RAPGEFL1: variants seen among roughly 807,000 people sequenced by gnomAD.
RAPGEFL1 encodes Rap guanine nucleotide exchange factor like 1.
A neutral mutation model predicts 64.4 loss-of-function variants in RAPGEFL1; 31 were observed. The observed-to-expected ratio is 0.48, with a 90% CI of 0.36 to 0.65. The LOEUF is 0.65. RAPGEFL1 is among the 30% of genes least tolerant of loss of function. RAPGEFL1 has a pLI of 0.00. For missense variants in RAPGEFL1, 682 were observed against 677.4 expected, an observed-to-expected ratio of 1.01 and a Z score of -0.08; for synonymous variants, 331 against 274.1, an observed-to-expected ratio of 1.21 and a Z score of -2.05.
rs56085604 is a variant in RAPGEFL1, at chr17:40,192,791, G to C, written c.1744+98G>C. On this transcript the variant is annotated intron_variant, in intron 12 of 14. Transcript: ENST00000620260. ...CAGCTCCCTCTCGACTCAGCCCTGA[G>C]TACCCACCTGGAGAGGAGCCCCCCA... 489 of 1,390,036 alleles carry C rather than the reference G, an allele frequency of 3.5e-4. 1 individual carries two copies. The highest frequency in any genetic ancestry group is 4.6e-4 in the Non-Finnish European group (455 of 984,310). The allele number at this position is 1,390,036 out of a possible 1,614,324, so 86.1% of individuals were successfully genotyped here.
rs1167250248 is a variant in RAPGEFL1, at chr17:40,192,992, T to A, written c.1809+2T>A. ...GGTTTGGTGAACATCGAGAAGCTGG[T>A]GAGTGAGTGGCACTGCAAACCCCTA... On this transcript the variant is annotated splice_donor_variant, in intron 13 of 14. Transcript: ENST00000620260. LOFTEE classifies it high-confidence loss of function. The A allele has an allele frequency of 6.2e-7, 1 of 1,613,400 alleles. No homozygotes were observed. The highest frequency in any genetic ancestry group is 1.7e-5 in the Admixed American group (1 of 60,014).
intron 4 of RAPGEFL1, chr17:40,188,620 G>A (rs1480400001): frequency 9.4e-6 from 5 of 532,202 alleles, no homozygotes; most frequent in Non-Finnish European, 1.7e-5. Context: ...AGAGAAGAAA[G>A]TGACCTTCCT....
Position 40,193,930 on chromosome 17 carries a change from T to A in RAPGEFL1, c.*142T>A. ...GGAAAGAGGTCGATGGATTTACCCCTGGACCCATAAGTCTGTTCATCCTGC... is the reference window on the plus strand; with the variant it reads ...GGAAAGAGGTCGATGGATTTACCCCAGGACCCATAAGTCTGTTCATCCTGC... On this transcript the variant is annotated 3_prime_UTR_variant, in exon 15 of 15. Coordinates refer to ENST00000620260, the MANE Select transcript of RAPGEFL1 (RefSeq NM_016339.6). 1 of 1,159,470 alleles carries A rather than the reference T, an allele frequency of 8.6e-7. No homozygotes were observed. The highest frequency in any genetic ancestry group is 1.2e-6 in the Non-Finnish European group (1 of 835,264). 71.8% of individuals were successfully genotyped at this position (1,159,470 alleles called of 1,614,324 possible).
chr17:40,178,120 G>A lies in RAPGEFL1; in HGVS notation c.259G>A (p.Glu87Lys), dbSNP rs1257859277. 1 of 567,168 alleles carries A rather than the reference G, an allele frequency of 1.8e-6. No homozygotes were observed. Among genetic ancestry groups the A allele is most frequent in the Non-Finnish European group, 3.1e-6 (1 of 322,464 alleles). 35.1% of individuals were successfully genotyped at this position (567,168 alleles called of 1,614,324 possible). ...GCCGCCCCCTGAGGAGGAAGGAGGAGAGCCGGCGGGGGTCGCGGAGGAGCC... is the reference window on the plus strand; with the variant it reads ...GCCGCCCCCTGAGGAGGAAGGAGGAAAGCCGGCGGGGGTCGCGGAGGAGCC... ...LEPPPEEEGG[E>K]PAGVAEEPGS... The change falls in exon 1 of 15, where the codon GAG becomes AAG. Residue 87 changes from glutamate to lysine, a missense_variant. Physicochemically the swap from Glu to Lys is moderately conservative, Grantham distance 56. Around this residue, in one of 2 missense-constraint regions of RAPGEFL1, gnomAD observed 271 missense variants for 158.0 expected, o/e 1.72. Coordinates refer to ENST00000620260, the MANE Select transcript of RAPGEFL1 (RefSeq NM_016339.6).
chr17:40,190,710 T>C lies in RAPGEFL1; in HGVS notation c.1283T>C (p.Val428Ala), dbSNP rs1990231470. 3 of 1,614,062 alleles carry C rather than the reference T, an allele frequency of 1.9e-6. No homozygotes were observed. Among genetic ancestry groups the C allele is most frequent in the African/African-American group, 1.3e-5 (1 of 74,918 alleles). The change falls in exon 8 of 15, where the codon GTT becomes GCT. Residue 428 changes from valine to alanine, a missense_variant. By Grantham distance (64) the Val-to-Ala change is moderately conservative. This residue lies in a region of RAPGEFL1 where 411 missense variants were observed against 519.4 expected (regional missense o/e 0.79). Coordinates refer to ENST00000620260, the MANE Select transcript of RAPGEFL1 (RefSeq NM_016339.6). ...ATCCACCGAGTGGAGCCTGAGGACGTTGCCAACCACCTAACTGCCTTCCAC... is the reference window on the plus strand; with the variant it reads ...ATCCACCGAGTGGAGCCTGAGGACGCTGCCAACCACCTAACTGCCTTCCAC... ...TEIHRVEPED[V>A]ANHLTAFHWE... is the part of the protein sequence containing the mutation.
At chr17:40,190,825 G>T in intron 8 of RAPGEFL1, 63 bp downstream of exon 8, 7 of 1,595,814 alleles carry the variant, frequency 4.4e-6, no homozygotes, top group Non-Finnish European at 6.0e-6. Flanking sequence ...TTGGGAGACG[G>T]TGTTCGCAGC....
rs763748994 is a variant in RAPGEFL1 at position 40,194,770 on chromosome 17, C to G, written c.*982C>G. 24 of 152,580 alleles carry G rather than the reference C, an allele frequency of 1.6e-4. No homozygotes were observed. Among genetic ancestry groups the G allele is most frequent in the Non-Finnish European group, 3.5e-4 (24 of 68,130 alleles). The allele number at this position is 152,580 out of a possible 1,614,324, so 9.5% of individuals were successfully genotyped here. ...CCCCTTCTGGCTCATGTGTCTGACACCAACAACATGGTCTCTGTCCCTCTC... is the reference window on the plus strand; with the variant it reads ...CCCCTTCTGGCTCATGTGTCTGACAGCAACAACATGGTCTCTGTCCCTCTC... On this transcript the variant is annotated 3_prime_UTR_variant, in exon 15 of 15. Transcript: ENST00000620260.
At position 40,181,614 on chromosome 17, in the gene RAPGEFL1, A is replaced by G. The variant is rs1989896969; in HGVS notation, c.521-2A>G. The G allele has an allele frequency of 1.4e-6, 1 of 702,600 alleles. No homozygotes were observed. The highest frequency in any genetic ancestry group is 2.7e-5 in the East Asian group (1 of 37,294). 43.5% of individuals were successfully genotyped at this position (702,600 alleles called of 1,614,324 possible). Reference sequence around the variant, plus strand: ...ATCTGTGGTGCCCACTGATCTTTACAGATATCCTGCTGGATGACATTGTCC... The same window carrying G: ...ATCTGTGGTGCCCACTGATCTTTACGGATATCCTGCTGGATGACATTGTCC... On this transcript the variant is annotated splice_acceptor_variant, in intron 1 of 14. Coordinates refer to ENST00000620260, the MANE Select transcript of RAPGEFL1 (RefSeq NM_016339.6). LOFTEE classifies it high-confidence loss of function.
rs754307148 is a variant in RAPGEFL1 at position 40,193,426 on chromosome 17, C to A, written c.1864+9C>A. ...CCGGAGCCGGCCCCTTTGTGAGTAC[C>A]CAGGGTACTGAGAGCAGTACAGATA... is the stretch of plus-strand genomic sequence containing the variant. On this transcript the variant is annotated intron_variant, in intron 14 of 14. Coordinates refer to ENST00000620260, the MANE Select transcript of RAPGEFL1 (RefSeq NM_016339.6). The A allele has an allele frequency of 2.3e-5, 37 of 1,614,104 alleles. No individual in the cohort carries two copies. The South Asian group carries it at 4.1e-4, about 18-fold the overall frequency.
At chr17:40,177,411 A>G (rs1950655960), upstream of RAPGEFL1, 1 of 440,796 alleles carries the variant, frequency 2.3e-6, no homozygotes, top group Admixed American at 2.4e-5. Context: ...GAGCCGAGGA[A>G]GGGTAGGGGC....
In RAPGEFL1 at chr17:40,194,030, T is replaced by G; in HGVS notation, c.*242T>G. 1 of 470,456 alleles carries G rather than the reference T, an allele frequency of 2.1e-6. No individual in the cohort carries two copies. The highest frequency in any genetic ancestry group is 2.4e-5 in the South Asian group (1 of 42,386). 29.1% of individuals were successfully genotyped at this position (470,456 alleles called of 1,614,324 possible). ...TTCCTGTCCCCTCTGAGAAAGGGGA[T>G]AGAAAGCTCCTTCCTCTATGTCCTC... On this transcript the variant is annotated 3_prime_UTR_variant, in exon 15 of 15. Coordinates refer to ENST00000620260, the MANE Select transcript of RAPGEFL1 (RefSeq NM_016339.6).
chr17:40,192,681 C>T lies in RAPGEFL1; in HGVS notation c.1732C>T (p.Leu578=). 3 of 1,613,500 alleles carry T rather than the reference C, an allele frequency of 1.9e-6. No homozygotes were observed. The highest frequency in any genetic ancestry group is 3.3e-4 in the Middle Eastern group (2 of 6,060). The change falls in exon 12 of 15, where the codon CTG becomes TTG. Residue 578 remains leucine (L), a synonymous_variant. Coordinates refer to ENST00000620260, the MANE Select transcript of RAPGEFL1 (RefSeq NM_016339.6). ...MKPPVIPFVP[L]ILKDLTFLHE... ...GCCCCCTGTGATTCCCTTCGTGCCTCTGATCCTCAAAGGTGAGAGAGTTAC... is the reference window on the plus strand; with the variant it reads ...GCCCCCTGTGATTCCCTTCGTGCCTTTGATCCTCAAAGGTGAGAGAGTTAC...
chr17:40,184,070 C>G, intron 2 of RAPGEFL1, 144 bp from the exon 3 acceptor site: 1 of 724,978 alleles, frequency 1.4e-6, no homozygotes, highest in South Asian at 1.5e-5. Flanking sequence ...TCTCGAACTC[C>G]TGACCTCAGG....
intron 6 of RAPGEFL1, 93 bp from the exon 7 acceptor site, chr17:40,190,341 G>C: frequency 1.0e-6 from 1 of 978,796 alleles, no homozygotes; most frequent in Non-Finnish European, 1.6e-6. Flanking sequence ...TGTCAGTGTG[G>C]GGTGAGGAGT....
chr17:40,191,119 T>TA lies in RAPGEFL1; in HGVS notation c.1336-197_1336-196insA. ...TGGCACCTAGTAAGTGCTCAGTAGCTGGTGAAATATTATTAATGCTGGTTG... is the reference window on the plus strand; with the variant it reads ...TGGCACCTAGTAAGTGCTCAGTAGCTAGGTGAAATATTATTAATGCTGGTTG... On this transcript the variant is annotated intron_variant, in intron 8 of 14. Transcript: ENST00000620260. This position sits in a 1 kb window ranked among gnomAD's most constrained non-coding sequence, Gnocchi z 5.1. The TA allele has an allele frequency of 1.6e-6, 1 of 614,164 alleles. No individual in the cohort carries two copies. Among genetic ancestry groups the TA allele is most frequent in the East Asian group, 3.0e-5 (1 of 33,812 alleles). The allele number at this position is 614,164 out of a possible 1,614,324, so 38.0% of individuals were successfully genotyped here. A position where few individuals can be genotyped will look rare whatever the true frequency, so the allele number is the denominator to read the frequency against.
At chr17:40,190,406 CGAG>C in intron 6 of RAPGEFL1, 25 bp from the exon 7 acceptor site, 1 of 1,606,156 alleles carries the variant, frequency 6.2e-7, no homozygotes, top group Non-Finnish European at 8.5e-7. Flanking sequence ...CGGCAGGGGC[CGAG>C]GATGAGCAGC....
In RAPGEFL1 at chr17:40,191,529, G is replaced by A. The variant is rs1181772411; in HGVS notation, c.1514+35G>A. 1.3e-6 allele frequency: 2 copies of A among 1,569,674 alleles called. No homozygotes were observed. Among genetic ancestry groups the A allele is most frequent in the Admixed American group, 1.9e-5 (1 of 52,590 alleles). On this transcript the variant is annotated intron_variant, in intron 9 of 14. Transcript: ENST00000620260. The surrounding 1 kb of genome is among the most constrained non-coding windows in gnomAD (Gnocchi z 5.1). ...GCCGTCGGCGGGATGGGGGGCCGGA[G>A]GCCGGAGGCCCGCGCCGCCGCCCGC... is the stretch of plus-strand genomic sequence containing the variant.
intron 2 of RAPGEFL1, 91 bp downstream of exon 2, chr17:40,181,785 A>G: frequency 1.5e-6 from 1 of 678,240 alleles, no homozygotes; most frequent in South Asian, 1.5e-5. Flanking sequence ...ACTCTCCCCT[A>G]GGAAACATAC....
Position 40,184,287 on chromosome 17 carries a change from C to G in RAPGEFL1, c.673C>G (p.His225Asp). 6.2e-7 allele frequency: 1 copy of G among 1,613,886 alleles called. No individual in the cohort carries two copies. The highest frequency in any genetic ancestry group is 1.1e-5 in the South Asian group (1 of 91,058). ...GCAAGCCTGTCTAGCCATGCTTCTC[C>G]ATTTCTTGGACACCTACCAGGGGCT... The part of the protein sequence containing the change: ...RKQACLAMLL[H>D]FLDTYQGLLQ... Residue 225 changes from histidine (H) to aspartate (D), a missense_variant, in exon 3 of 15, where the codon CAT becomes GAT. By Grantham distance (81) the His-to-Asp change is moderately conservative. Transcript: ENST00000620260.
Sources: allele counts gnomAD v4.1 joint callset, GRCh38; gene constraint gnomAD v4.1.1; regional missense constraint gnomAD v4.1.1; non-coding constraint Gnocchi (gnomAD v3.1); transcripts MANE v1.5; gene names NCBI Gene and HGNC (gene_info 2026-07-23, HGNC 2026-07-21).